The following MECOM variants were observed in gnomAD, a reference collection of about 807,000 sequenced individuals.
MECOM encodes histone-lysine N-methyltransferase MECOM.
MECOM carries 13 observed loss-of-function variants against 116.3 expected under a neutral mutation model. The observed-to-expected ratio is 0.11, with a 90% CI of 0.07 to 0.18. The LOEUF (loss-of-function observed/expected upper bound fraction) is 0.18, where lower values mean the gene tolerates loss of function less well. Among genes scored for constraint, MECOM ranks in the 10% least tolerant of loss-of-function variants. MECOM has a pLI of 1.00. For missense variants in MECOM, 1,299 were observed against 1,509.0 expected (o/e 0.86, Z 2.31); for synonymous variants, 528 against 535.2 (o/e 0.99, Z 0.19).
rs74882353 is a variant in MECOM, at chr3:169,295,452, A to T, written c.375+85735T>A. ...AGATGATGATGTATAATTATGAAAA[A>T]ACATTAAAAAGTACAATATCACTTT... On this transcript the variant is annotated intron_variant, in intron 2 of 16. Coordinates refer to ENST00000651503, the MANE Select transcript of MECOM (RefSeq NM_004991.4). Among the ~76,000 whole-genome samples the T allele has an allele frequency of 9.2e-3, 1,403 of 152,328 alleles. 44 individuals carry two copies. The East Asian group carries it at 0.11, about 11-fold the overall frequency.
In MECOM at chr3:169,106,469, C is replaced by A. The variant is rs142806522; in HGVS notation, c.2604+1457G>T. Among the ~76,000 whole-genome samples, 3 of 151,796 alleles carry A rather than the reference C, an allele frequency of 2.0e-5. No individual in the cohort carries two copies. In the East Asian group the frequency reaches 5.8e-4, roughly 29 times the overall value. On this transcript the variant is annotated intron_variant, in intron 10 of 16. Transcript: ENST00000651503. Reference sequence around the variant, plus strand: ...AATCCACATAGAGGTTTTTTTACCACGAAAAATTATAAACATATATCTTTA... The same window carrying A: ...AATCCACATAGAGGTTTTTTTACCAAGAAAAATTATAAACATATATCTTTA...
chr3:169,248,543 C>T (rs1012474861), intron 2 of MECOM, among the ~76,000 whole-genome samples: 9 of 152,188 alleles, frequency 5.9e-5, no homozygotes, highest in Non-Finnish European at 1.3e-4. Context: ...TCTCTCTATT[C>T]ATCTCTTCTT....
intron 8 of MECOM, among the ~76,000 whole-genome samples, chr3:169,115,111 C>T (rs753444310): frequency 1.2e-4 from 19 of 152,002 alleles, no homozygotes; most frequent in Non-Finnish European, 2.2e-4. Context: ...CCATATTTTC[C>T]ACTCCAAAAA....
chr3:169,425,597 C>A (rs1740511810), intron 1 of MECOM, among the ~76,000 whole-genome samples: 1 of 151,972 alleles, frequency 6.6e-6, no homozygotes, highest in Non-Finnish European at 1.5e-5. Context: ...TATGTCCGAC[C>A]ACTATATTAC....
intron 1 of MECOM, among the ~76,000 whole-genome samples, chr3:169,430,575 A>G (rs1277906823): frequency 6.6e-6 from 1 of 152,114 alleles, no homozygotes; most frequent in African/African-American, 2.4e-5. Flanking sequence ...ATTGCACTGG[A>G]TTTTGAATAA....
At chr3:169,533,009 T>A (rs561147981) in intron 1 of MECOM, among the ~76,000 whole-genome samples, 6 of 152,304 alleles carry the variant, frequency 3.9e-5, no homozygotes, top group African/African-American at 1.2e-4. Flanking sequence ...TACATAAAAA[T>A]GTGATGAACA....
chr3:169,391,692 G>A (rs1324537350), intron 1 of MECOM, among the ~76,000 whole-genome samples: 1 of 151,386 alleles, frequency 6.6e-6, no homozygotes, highest in Non-Finnish European at 1.5e-5. Context: ...TAATTTGAGA[G>A]GGGGTAATTT....
intron 2 of MECOM, among the ~76,000 whole-genome samples, chr3:169,267,862 G>A (rs961580124): frequency 6.6e-6 from 1 of 152,010 alleles, no homozygotes; most frequent in East Asian, 1.9e-4. Context: ...AGAGATGCAG[G>A]AAAAGGAAGA....
At position 169,085,361 on chromosome 3, in the gene MECOM, T is replaced by C. The variant is rs541567427; in HGVS notation, c.3586-318A>G. Among the ~76,000 whole-genome samples the C allele has an allele frequency of 1.1e-4, 16 of 152,300 alleles. No individual in the cohort carries two copies. In the South Asian group the frequency reaches 3.3e-3, roughly 32 times the overall value. ...TAAATACAGTCATCCATCCACTACA[T>C]ATGTTCAATTCACCAAAAATATTAT... On this transcript the variant is annotated intron_variant, in intron 16 of 16. Transcript: ENST00000651503.
At chr3:169,312,587 C>T (rs1225637142) in intron 2 of MECOM, among the ~76,000 whole-genome samples, 1 of 152,018 alleles carries the variant, frequency 6.6e-6, no homozygotes, top group Admixed American at 6.5e-5. Flanking sequence ...ACAGGATTAG[C>T]CAGGATGGTC....
chr3:169,122,258 A>C (rs1731276717), intron 6 of MECOM, among the ~76,000 whole-genome samples: 1 of 152,128 alleles, frequency 6.6e-6, no homozygotes, highest in Non-Finnish European at 1.5e-5. Context: ...ATTGGATAAA[A>C]TTTTCATTCT....
rs948133650 is a variant in MECOM at position 169,584,366 on chromosome 3, C to A, written c.37+78970G>T. On this transcript the variant is annotated intron_variant, in intron 1 of 16. Coordinates refer to ENST00000651503, the MANE Select transcript of MECOM (RefSeq NM_004991.4). ...GGATCACGAGGTCTGGAGATAGAGACCATCTTGGCTAACACGGTGAAACCC... is the reference window on the plus strand; with the variant it reads ...GGATCACGAGGTCTGGAGATAGAGAACATCTTGGCTAACACGGTGAAACCC... 2.0e-5 allele frequency among the ~76,000 whole-genome samples: 3 copies of A among 151,204 alleles called. No homozygotes were observed. In the East Asian group the frequency reaches 5.8e-4, roughly 29 times the overall value.
At chr3:169,433,925 C>T (rs772465596) in intron 1 of MECOM, among the ~76,000 whole-genome samples, 3 of 151,880 alleles carry the variant, frequency 2.0e-5, no homozygotes, top group South Asian at 2.1e-4. Context: ...CCAAGTTTAA[C>T]GTTGGAGAGC....
At chr3:169,584,365 A>G (rs918032913) in intron 1 of MECOM, among the ~76,000 whole-genome samples, 2 of 151,314 alleles carry the variant, frequency 1.3e-5, no homozygotes, top group Non-Finnish European at 3.0e-5. Flanking sequence ...GGAGATAGAG[A>G]CCATCTTGGC....
chr3:169,552,942 G>T (rs890866078), intron 1 of MECOM, among the ~76,000 whole-genome samples: 1 of 152,034 alleles, frequency 6.6e-6, no homozygotes, highest in African/African-American at 2.4e-5. Context: ...CCTATCATTA[G>T]TGTGTTGTGC....
intron 1 of MECOM, among the ~76,000 whole-genome samples, chr3:169,620,512 A>G (rs9860791): frequency 0.023 from 3,574 of 152,278 alleles, 134 homozygotes; most frequent in African/African-American, 0.082. Flanking sequence ...TTTGATGCTT[A>G]TCTGTTGAAC....
chr3:169,523,079 T>TA (rs1757547140), intron 1 of MECOM, among the ~76,000 whole-genome samples: 1 of 152,226 alleles, frequency 6.6e-6, no homozygotes, highest in African/African-American at 2.4e-5. Flanking sequence ...GTCAGCCCAG[T>TA]GGAGATCTTT....
At chr3:169,111,984 T>C (rs73167917) in intron 9 of MECOM, among the ~76,000 whole-genome samples, 9,581 of 152,222 alleles carry the variant, frequency 0.063, 444 homozygotes, top group South Asian at 0.2. Context: ...TAAGAATTTT[T>C]ATTAAAATGT....
At chr3:169,089,505 A>G (rs1468131198) in intron 15 of MECOM, among the ~76,000 whole-genome samples, 1 of 152,166 alleles carries the variant, frequency 6.6e-6, no homozygotes, top group East Asian at 1.9e-4. Flanking sequence ...AATTATGACA[A>G]TATTTAGTCA....
Sources: gnomAD v4.1 joint callset for allele counts (sites outside exome capture counted in the v4.1 genomes callset) on GRCh38, gnomAD v4.1.1 for gene constraint, MANE v1.5 for transcripts, NCBI Gene and HGNC (gene_info 2026-07-23, HGNC 2026-07-21) for gene names.